The following LY86 variants were observed in gnomAD, a reference collection of about 807,000 sequenced individuals.
LY86 encodes MD-1, RP105-associated.
A neutral mutation model predicts 17.3 loss-of-function variants in LY86; 20 were observed. The ratio of observed to expected loss-of-function variants is 1.15; its 90% CI spans 0.81 to 1.68. The LOEUF is 1.68. Ranked by LOEUF, LY86 falls within the 40% of genes most tolerant of loss-of-function variation. The probability of loss-of-function intolerance (pLI) is 0.00; values close to 1 mark genes in which losing one functional copy is unlikely to be tolerated. For missense variants in LY86, 200 were observed against 191.9 expected (o/e 1.04, Z -0.25); for synonymous variants, 74 against 70.6 (o/e 1.05, Z -0.24).
At chr6:6,643,667 CACAT>C in intron 3 of LY86, among the ~76,000 whole-genome samples, 1 of 152,078 alleles carries the variant, frequency 6.6e-6, no homozygotes, top group Non-Finnish European at 1.5e-5. Flanking sequence ...CACACAAACA[CACAT>C]GCACGCACAC....
chr6:6,618,133 G>A lies in LY86; in HGVS notation c.137-6793G>A, dbSNP rs1271614475. On this transcript the variant is annotated intron_variant, in intron 1 of 4. Coordinates refer to ENST00000230568, the MANE Select transcript of LY86 (RefSeq NM_004271.4). ...TGGGATTACAGGCCTGAGCCACCGC[G>A]CCTGGCTAGCGCATTGTTGATCTAC... 7.2e-5 allele frequency among the ~76,000 whole-genome samples: 11 copies of A among 152,144 alleles called. No homozygotes were observed. In the East Asian group the frequency reaches 1.3e-3, roughly 19 times the overall value.
chr6:6,625,017 G>C lies in LY86; in HGVS notation c.223+5G>C. ...TTAGATTTGGAATTATTCTGAGTAAGTAAAAAAAATGATTAGCATGAAATA... is the reference window on the plus strand; with the variant it reads ...TTAGATTTGGAATTATTCTGAGTAACTAAAAAAAATGATTAGCATGAAATA... On this transcript the variant is annotated splice_donor_5th_base_variant and intron_variant, in intron 2 of 4. Coordinates refer to ENST00000230568, the MANE Select transcript of LY86 (RefSeq NM_004271.4). 1 of 1,348,460 alleles carries C rather than the reference G, an allele frequency of 7.4e-7. No homozygotes were observed. The highest frequency in any genetic ancestry group is 1.0e-6 in the Non-Finnish European group (1 of 955,374). 83.5% of individuals were successfully genotyped at this position (1,348,460 alleles called of 1,614,324 possible). A position where few individuals can be genotyped will look rare whatever the true frequency, so the allele number is the denominator to read the frequency against.
intron 1 of LY86, among the ~76,000 whole-genome samples, chr6:6,601,961 C>A (rs571150444): frequency 6.6e-6 from 1 of 152,308 alleles, no homozygotes; most frequent in Admixed American, 6.5e-5. Flanking sequence ...CGCAGACCAA[C>A]AAAACCCATC....
At chr6:6,650,080 G>C (rs966338291) in intron 4 of LY86, among the ~76,000 whole-genome samples, 1 of 152,144 alleles carries the variant, frequency 6.6e-6, no homozygotes, top group Non-Finnish European at 1.5e-5. Flanking sequence ...CAGGAGGCTG[G>C]CGGTTCAGAG....
At chr6:6,590,189 C>G (rs962394848) in intron 1 of LY86, among the ~76,000 whole-genome samples, 3 of 151,724 alleles carry the variant, frequency 2.0e-5, no homozygotes, top group Non-Finnish European at 2.9e-5. Context: ...CGTAGTCCCC[C>G]CCCAGTCTGC....
intron 1 of LY86, among the ~76,000 whole-genome samples, chr6:6,604,955 G>A (rs563849386): frequency 4.6e-5 from 7 of 151,442 alleles, no homozygotes; most frequent in Non-Finnish European, 1.0e-4. Flanking sequence ...GTAGAACCTA[G>A]AATTCTATAT....
chr6:6,643,601 G>C (rs952761080), intron 3 of LY86, among the ~76,000 whole-genome samples: 1 of 152,230 alleles, frequency 6.6e-6, no homozygotes, highest in Admixed American at 6.5e-5. Flanking sequence ...AGTGACTACT[G>C]TTGATCACAG....
At chr6:6,642,713 G>A (rs1762057071) in intron 3 of LY86, among the ~76,000 whole-genome samples, 1 of 152,226 alleles carries the variant, frequency 6.6e-6, no homozygotes, top group African/African-American at 2.4e-5. Flanking sequence ...ACTGAAGAAA[G>A]CAAAGCTTCA....
intron 1 of LY86, among the ~76,000 whole-genome samples, chr6:6,606,197 G>C (rs1388712412): frequency 6.6e-6 from 1 of 152,004 alleles, no homozygotes; most frequent in Non-Finnish European, 1.5e-5. Flanking sequence ...AGACACAAAG[G>C]CTCTCCACCT....
At chr6:6,605,886 G>A (rs1450661820) in intron 1 of LY86, among the ~76,000 whole-genome samples, 1 of 148,336 alleles carries the variant, frequency 6.7e-6, no homozygotes, top group African/African-American at 2.6e-5. Context: ...TTCTCGCGGT[G>A]GGTTCTTAGT....
chr6:6,634,535 A>G (rs1761936331), intron 3 of LY86, among the ~76,000 whole-genome samples: 1 of 152,254 alleles, frequency 6.6e-6, no homozygotes, highest in Non-Finnish European at 1.5e-5. Context: ...TTATACATAC[A>G]AATAAGTCAA....
At chr6:6,603,369 C>A (rs1190817456) in intron 1 of LY86, among the ~76,000 whole-genome samples, 4 of 151,558 alleles carry the variant, frequency 2.6e-5, no homozygotes, top group South Asian at 2.1e-4. Flanking sequence ...AGACAGTTCA[C>A]AAAAATTACC....
intron 1 of LY86, among the ~76,000 whole-genome samples, chr6:6,612,435 A>G (rs1761393886): frequency 6.6e-6 from 1 of 152,208 alleles, no homozygotes; most frequent in African/African-American, 2.4e-5. Context: ...AAGAAACCGC[A>G]AACCTTCATG....
rs577560622 is a variant in LY86 at position 6,612,423 on chromosome 6, A to G, written c.137-12503A>G. On this transcript the variant is annotated intron_variant, in intron 1 of 4. Transcript: ENST00000230568. ...GGGTACCTAGTCTCACTGGCCTCATAAAAGAAACCGCAAACCTTCATGGGG... is the reference window on the plus strand; with the variant it reads ...GGGTACCTAGTCTCACTGGCCTCATGAAAGAAACCGCAAACCTTCATGGGG... Among the ~76,000 whole-genome samples the G allele has an allele frequency of 3.3e-5, 5 of 152,308 alleles. No individual in the cohort carries two copies. In the East Asian group the frequency reaches 7.7e-4, roughly 23 times the overall value.
At chr6:6,600,601 A>T (rs1561776550) in intron 1 of LY86, among the ~76,000 whole-genome samples, 1 of 18,806 alleles carries the variant, frequency 5.3e-5, no homozygotes, top group African/African-American at 2.9e-4. Context: ...AAAAAAAAAA[A>T]AAAAAAAAAA....
chr6:6,605,471 G>A (rs141840167), intron 1 of LY86, among the ~76,000 whole-genome samples: 9 of 152,342 alleles, frequency 5.9e-5, no homozygotes, highest in Middle Eastern at 3.4e-3. Flanking sequence ...TGGAGTTCAA[G>A]TCTTCAATAG....
chr6:6,639,347 C>T (rs140394725), intron 3 of LY86, among the ~76,000 whole-genome samples: 24 of 151,980 alleles, frequency 1.6e-4, no homozygotes, highest in Middle Eastern at 3.4e-3. Context: ...AGCCTTGTCC[C>T]TTCTCAGGCT....
chr6:6,654,183 G>A (rs1357055933), intron 4 of LY86, among the ~76,000 whole-genome samples: 1 of 151,998 alleles, frequency 6.6e-6, no homozygotes, highest in Non-Finnish European at 1.5e-5. Flanking sequence ...TCTTGCATCT[G>A]CTTCAGGTCT....
intron 3 of LY86, among the ~76,000 whole-genome samples, chr6:6,645,119 T>C (rs1438516400): frequency 6.6e-6 from 1 of 152,164 alleles, no homozygotes. Context: ...TAGAGTGTTG[T>C]TCTTCAAAGA....
Sources: gnomAD v4.1 joint callset for allele counts (sites outside exome capture counted in the v4.1 genomes callset) on GRCh38, gnomAD v4.1.1 for gene constraint, MANE v1.5 for transcripts, NCBI Gene and HGNC (gene_info 2026-07-23, HGNC 2026-07-21) for gene names.